NRSN1: variants seen among roughly 807,000 people sequenced by gnomAD.
NRSN1 encodes neurensin-1.
Under a neutral mutation model 17.3 loss-of-function variants are expected in NRSN1, and 14 were observed. That is an observed-to-expected ratio of 0.81 (90% CI 0.54 to 1.27). NRSN1 has a LOEUF of 1.27. Ranked by LOEUF, NRSN1 falls within the 50% of genes most tolerant of loss-of-function variation. The probability of loss-of-function intolerance (pLI) is 0.00; values close to 1 mark genes in which losing one functional copy is unlikely to be tolerated. For synonymous variants in NRSN1, 79 were observed against 94.2 expected, an observed-to-expected ratio of 0.84 and a Z score of 0.93; for missense variants, 209 against 235.9, an observed-to-expected ratio of 0.89 and a Z score of 0.75.
chr6:24,131,748 A>G (rs1345372943), intron 2 of NRSN1, among the ~76,000 whole-genome samples: 5 of 152,220 alleles, frequency 3.3e-5, no homozygotes, highest in Non-Finnish European at 1.5e-5. Flanking sequence ...GCTCTTGTTA[A>G]TCATCTTCAT....
chr6:24,147,350 C>T lies in NRSN1; in HGVS notation c.*1404C>T, dbSNP rs1027833621. The T allele has an allele frequency of 5.3e-5, 8 of 150,510 alleles. No homozygotes were observed. Among genetic ancestry groups the T allele is most frequent in the Admixed American group, 2.7e-4 (4 of 15,030 alleles). 9.3% of individuals were successfully genotyped at this position (150,510 alleles called of 1,614,324 possible). ...TTAAAATTGTGCCACCTTAGAGCCC[C>T]CCCCCTTTTTTTTTTCTTCCTTCAC... On this transcript the variant is annotated 3_prime_UTR_variant, in exon 4 of 4. Transcript: ENST00000378491.
At chr6:24,127,205 A>T (rs1405490499) in intron 1 of NRSN1, among the ~76,000 whole-genome samples, 1 of 152,220 alleles carries the variant, frequency 6.6e-6, no homozygotes, top group Non-Finnish European at 1.5e-5. Flanking sequence ...TTGCTTATCC[A>T]GATCCAGGAG....
At chr6:24,127,835 A>G (rs1759971708) in intron 1 of NRSN1, among the ~76,000 whole-genome samples, 1 of 152,204 alleles carries the variant, frequency 6.6e-6, no homozygotes, top group African/African-American at 2.4e-5. Flanking sequence ...TACTAACAAC[A>G]TGGAATATGG....
At chr6:24,139,767 G>A (rs1386476001) in intron 3 of NRSN1, among the ~76,000 whole-genome samples, 14 of 152,158 alleles carry the variant, frequency 9.2e-5, no homozygotes, top group Non-Finnish European at 1.6e-4. Flanking sequence ...GTCAAGGATA[G>A]ACTCCTGAAC....
chr6:24,135,437 G>GA (rs1760102734), intron 3 of NRSN1, among the ~76,000 whole-genome samples: 3 of 152,162 alleles, frequency 2.0e-5, no homozygotes, highest in African/African-American at 7.2e-5. Context: ...AATCTGGTTG[G>GA]AGTGGGGTGA....
chr6:24,131,680 G>GAATGCCTTAAAGGAA (rs1429165261), intron 2 of NRSN1, among the ~76,000 whole-genome samples: 3 of 152,120 alleles, frequency 2.0e-5, no homozygotes, highest in Non-Finnish European at 4.4e-5. Context: ...ATTTGCATTA[G>GAATGCCTTAAAGGAA]AATGCCTTAA....
intron 2 of NRSN1, among the ~76,000 whole-genome samples, chr6:24,133,273 C>T (rs1454621304): frequency 6.6e-6 from 1 of 152,158 alleles, no homozygotes; most frequent in African/African-American, 2.4e-5. Context: ...TCTAGCCACC[C>T]ACATGGACAG....
At position 24,142,191 on chromosome 6, in the gene NRSN1, CT is replaced by C. The variant is rs751168423; in HGVS notation, c.190-3334del. 8.6e-3 allele frequency among the ~76,000 whole-genome samples: 381 copies of C among 44,394 alleles called. 2 individuals are homozygous for C. The highest frequency in any genetic ancestry group is 0.077 in the Middle Eastern group (2 of 26). The allele number at this position is 44,394 out of a possible 152,430, so 29.1% of individuals were successfully genotyped here. The stretch of plus-strand genomic sequence containing the variant: ...AGCACTTATGTCTTATACAGAACAG[CT>C]TTTTTTTTTTTTTTTTTTTTTTCAG... On this transcript the variant is annotated intron_variant, in intron 3 of 3. Transcript: ENST00000378491.
chr6:24,134,176 T>G, intron 2 of NRSN1, 143 bp from the exon 3 acceptor site: 1 of 678,952 alleles, frequency 1.5e-6, no homozygotes, highest in Non-Finnish European at 2.4e-6. Flanking sequence ...GAGAGAGGGG[T>G]CTTTAAAAGT....
intron 2 of NRSN1, among the ~76,000 whole-genome samples, chr6:24,131,312 G>A (rs189892813): frequency 1.8e-4 from 28 of 152,146 alleles, no homozygotes; most frequent in Non-Finnish European, 4.0e-4. Flanking sequence ...TATATCACAC[G>A]GTCCTTCTCT....
In NRSN1 at chr6:24,146,709, C is replaced by T. The variant is rs886830890; in HGVS notation, c.*763C>T. On this transcript the variant is annotated 3_prime_UTR_variant, in exon 4 of 4. Transcript: ENST00000378491. ...TTTTAATTTTTTTTAGAGGCAGGATCTTGCTGTCCAATTTTTTTTAAAAAG... is the reference window on the plus strand; with the variant it reads ...TTTTAATTTTTTTTAGAGGCAGGATTTTGCTGTCCAATTTTTTTTAAAAAG... The T allele has an allele frequency of 6.5e-6, 1 of 153,916 alleles. No homozygotes were observed. The highest frequency in any genetic ancestry group is 2.4e-5 in the African/African-American group (1 of 41,398). The allele number at this position is 153,916 out of a possible 1,614,324, so 9.5% of individuals were successfully genotyped here. A position where few individuals can be genotyped will look rare whatever the true frequency, so the allele number is the denominator to read the frequency against.
chr6:24,133,391 C>T (rs537078589), intron 2 of NRSN1, among the ~76,000 whole-genome samples: 35 of 152,348 alleles, frequency 2.3e-4, no homozygotes, highest in African/African-American at 7.5e-4. Flanking sequence ...AATTGCTCAG[C>T]AGCTTTTTAA....
Position 24,146,117 on chromosome 6 carries a change from G to A in NRSN1, c.*171G>A, listed in dbSNP as rs1052519767. 8 of 762,852 alleles carry A rather than the reference G, an allele frequency of 1.0e-5. No homozygotes were observed. In the African/African-American group the frequency reaches 1.4e-4, roughly 13 times the overall value. The allele number at this position is 762,852 out of a possible 1,614,324, so 47.3% of individuals were successfully genotyped here. On this transcript the variant is annotated 3_prime_UTR_variant, in exon 4 of 4. Transcript: ENST00000378491. ...CTCAGTTCAGGCAGCTCTGCTGGAG[G>A]GCGGTGCCATGCCTAAGCCTGTGCA...
intron 3 of NRSN1, 63 bp downstream of exon 3, chr6:24,134,579 C>A (rs940716119): frequency 1.5e-6 from 2 of 1,353,276 alleles, no homozygotes; most frequent in Non-Finnish European, 2.1e-6. Flanking sequence ...GTTAATACTG[C>A]AGCTGTGGAG....
Position 24,146,238 on chromosome 6 carries a change from T to G in NRSN1, c.*292T>G. 3.2e-6 allele frequency: 2 copies of G among 622,494 alleles called. No individual in the cohort carries two copies. The highest frequency in any genetic ancestry group is 3.5e-5 in the East Asian group (1 of 28,372). The allele number at this position is 622,494 out of a possible 1,614,324, so 38.6% of individuals were successfully genotyped here. ...TCATAGATCGTGACTTTGTGTTATT[T>G]TCCGTGTTGTTTGAAAGTGCCGAAC... On this transcript the variant is annotated 3_prime_UTR_variant, in exon 4 of 4. Transcript: ENST00000378491.
intron 3 of NRSN1, chr6:24,141,392 T>A (rs994909785): frequency 2.9e-5 from 13 of 444,656 alleles, no homozygotes; most frequent in African/African-American, 4.1e-5. Flanking sequence ...ATGCTACTCA[T>A]GAGACTCCTT....
At position 24,143,627 on chromosome 6, in the gene NRSN1, A is replaced by C. The variant is rs1363143649; in HGVS notation, c.190-1921A>C. ...ACTAAAAGCAATTAAGAACAGAAGG[A>C]AAGGAAAAATTACTTTAAAAAGTAA... On this transcript the variant is annotated intron_variant, in intron 3 of 3. Transcript: ENST00000378491. Among the ~76,000 whole-genome samples, 3 of 152,372 alleles carry C rather than the reference A, an allele frequency of 2.0e-5. No individual in the cohort carries two copies. The East Asian group carries it at 5.8e-4, about 29-fold the overall frequency.
In NRSN1 at chr6:24,128,125, T is replaced by A. The variant is rs1186932140; in HGVS notation, c.-82-3T>A. Reference sequence around the variant, plus strand: ...ATTCTGCAGAGACTTTTTTCTTAAATAGGATTGAAGAATGCGCCATTAAAA... The same window carrying A: ...ATTCTGCAGAGACTTTTTTCTTAAAAAGGATTGAAGAATGCGCCATTAAAA... On this transcript the variant is annotated splice_polypyrimidine_tract_variant and splice_region_variant and intron_variant, in intron 1 of 3. Transcript: ENST00000378491. 6.6e-6 allele frequency: 1 copy of A among 152,132 alleles called. No individual in the cohort carries two copies. The highest frequency in any genetic ancestry group is 1.5e-5 in the Non-Finnish European group (1 of 68,008). The allele number at this position is 152,132 out of a possible 1,614,324, so 9.4% of individuals were successfully genotyped here.
At chr6:24,143,293 G>A (rs775113254) in intron 3 of NRSN1, among the ~76,000 whole-genome samples, 4 of 152,048 alleles carry the variant, frequency 2.6e-5, no homozygotes, top group South Asian at 4.2e-4. Context: ...CACCATGCCC[G>A]GCTAAAGTAT....
Sources: gnomAD v4.1 joint callset for allele counts (sites outside exome capture counted in the v4.1 genomes callset) on GRCh38, gnomAD v4.1.1 for gene constraint, MANE v1.5 for transcripts, NCBI Gene and HGNC (gene_info 2026-07-23, HGNC 2026-07-21) for gene names.